Variants in PARVB observed in about 807,000 individuals in gnomAD.
PARVB encodes parvin beta.
PARVB carries 46 observed loss-of-function variants against 47.0 expected under a neutral mutation model. That is an observed-to-expected ratio of 0.98 (90% CI 0.77 to 1.25). The LOEUF (loss-of-function observed/expected upper bound fraction) is 1.25, where lower values mean the gene tolerates loss of function less well. Among genes scored for constraint, PARVB ranks in the 50% most tolerant of loss-of-function variants. The pLI, the probability that PARVB is intolerant of heterozygous loss-of-function variation, is 0.00. For missense variants in PARVB, 473 were observed against 471.6 expected (o/e 1.00, Z -0.03); for synonymous variants, 196 against 196.3 (o/e 1.00, Z 0.01).
chr22:44,076,752 G>C (rs1214755096), intron 1 of PARVB, among the ~76,000 whole-genome samples: 1 of 152,036 alleles, frequency 6.6e-6, no homozygotes, highest in African/African-American at 2.4e-5. Context: ...GTGAGATGCT[G>C]AGGGCCAGAA....
chr22:44,042,794 A>G (rs1388914620), intron 1 of PARVB, among the ~76,000 whole-genome samples: 5 of 152,050 alleles, frequency 3.3e-5, no homozygotes, highest in African/African-American at 1.2e-4. Context: ...TACAATTATT[A>G]TTTAGTTTTT....
At position 44,155,934 on chromosome 22, in the gene PARVB, T is replaced by C. The variant is rs1189650738; in HGVS notation, c.844-2048T>C. ...TTGGGTGGCCGAGGTGGGTGGATCA[T>C]GAGGTCAGGAGTTCAAGACCAGCCT... On this transcript the variant is annotated intron_variant, in intron 10 of 12. Coordinates refer to ENST00000338758, the MANE Select transcript of PARVB (RefSeq NM_013327.5). The surrounding 1 kb of genome is among the most constrained non-coding windows in gnomAD (Gnocchi z 4.8). Among the ~76,000 whole-genome samples, 10 of 152,036 alleles carry C rather than the reference T, an allele frequency of 6.6e-5. No homozygotes were observed. The highest frequency in any genetic ancestry group is 5.2e-4 in the Admixed American group (8 of 15,278).
chr22:44,119,680 G>A (rs903065734), intron 4 of PARVB: 4 of 461,860 alleles, frequency 8.7e-6, no homozygotes, highest in African/African-American at 2.0e-5. Context: ...TGTTGGATGA[G>A]TCCCGAGGGC....
chr22:44,127,911 G>A (rs984007232), intron 4 of PARVB, among the ~76,000 whole-genome samples: 32 of 152,052 alleles, frequency 2.1e-4, no homozygotes, highest in Admixed American at 1.1e-3. Flanking sequence ...CAGCTTCCCC[G>A]GGAAGCTGGG....
intron 9 of PARVB, 104 bp downstream of exon 9, chr22:44,148,026 A>C: frequency 4.5e-6 from 4 of 890,400 alleles, no homozygotes; most frequent in Non-Finnish European, 7.3e-6. Flanking sequence ...TTGGAATCTC[A>C]GAAATGTTTG....
chr22:44,100,076 A>T lies in PARVB; in HGVS notation c.226A>T (p.Ile76Phe). ...QLEENEERTM[I>F]DPTSKEDPKF... ...AGAGGAGAACGAGGAGCGCACGATG[A>T]TTGACCCCACTTCCAAGGAAGACCC... The change falls in exon 3 of 13, where the codon ATT becomes TTT. Residue 76 changes from isoleucine to phenylalanine, a missense_variant. Ile to Phe is a conservative substitution (Grantham distance 21, BLOSUM62 0). Transcript: ENST00000338758. 1 of 1,614,116 alleles carries T rather than the reference A, an allele frequency of 6.2e-7. No homozygotes were observed. Among genetic ancestry groups the T allele is most frequent in the Non-Finnish European group, 8.5e-7 (1 of 1,179,990 alleles).
intron 1 of PARVB, chr22:44,026,343 A>G (rs1603424434): frequency 2.0e-6 from 2 of 985,524 alleles, no homozygotes; most frequent in Non-Finnish European, 2.4e-6. Flanking sequence ...GAGGAGCAGG[A>G]CGCCGGGCAC....
Position 44,081,128 on chromosome 22 carries a change from G to A in PARVB, c.113-12800G>A, listed in dbSNP as rs571226995. On this transcript the variant is annotated intron_variant, in intron 1 of 12. Coordinates refer to ENST00000338758, the MANE Select transcript of PARVB (RefSeq NM_013327.5). ...AGGCCTTTCTCCTTTTCTGCTGTGG[G>A]CATTGCATCTGTTCCTGATGGGTAG... is the stretch of plus-strand genomic sequence containing the variant. Among the ~76,000 whole-genome samples the A allele has an allele frequency of 7.2e-5, 11 of 152,318 alleles. No individual in the cohort carries two copies. The East Asian group carries it at 1.9e-3, about 27-fold the overall frequency.
At chr22:44,095,732 G>A (rs1015596633) in intron 2 of PARVB, among the ~76,000 whole-genome samples, 4 of 152,076 alleles carry the variant, frequency 2.6e-5, no homozygotes, top group Non-Finnish European at 5.9e-5. Context: ...AACATTCTGC[G>A]TATTTCCAAA....
chr22:44,025,254 C>A (rs1456878875), intron 1 of PARVB, among the ~76,000 whole-genome samples: 1 of 152,016 alleles, frequency 6.6e-6, no homozygotes, highest in Non-Finnish European at 1.5e-5. Context: ...AGGAGCCCTC[C>A]CATAGCGGGT....
At chr22:44,029,042 G>C (rs1407541596) in intron 1 of PARVB, among the ~76,000 whole-genome samples, 2 of 152,098 alleles carry the variant, frequency 1.3e-5, no homozygotes, top group Non-Finnish European at 2.9e-5. Context: ...GGAGTGCAGT[G>C]GCACGATCCT....
At chr22:44,164,578 C>T (rs983287742) in intron 12 of PARVB, among the ~76,000 whole-genome samples, 16 of 152,222 alleles carry the variant, frequency 1.1e-4, no homozygotes, top group African/African-American at 3.4e-4. Context: ...CAGAGCTGAA[C>T]ATTAAAGGCT....
At chr22:44,166,513 T>A (rs1248387206) in intron 12 of PARVB, among the ~76,000 whole-genome samples, 1 of 152,216 alleles carries the variant, frequency 6.6e-6, no homozygotes, top group African/African-American at 2.4e-5. Flanking sequence ...AGCCCGGATG[T>A]GTTTCCTACT....
upstream of PARVB, among the ~76,000 whole-genome samples, chr22:44,022,577 TG>T (rs2050662637): frequency 1.3e-5 from 2 of 151,772 alleles, no homozygotes; most frequent in South Asian, 2.1e-4. Flanking sequence ...TGTACTGCAC[TG>T]GGGGGACTGG....
intron 1 of PARVB, 133 bp from the exon 2 acceptor site, chr22:44,093,795 A>G (rs1266520624): frequency 1.6e-6 from 1 of 624,702 alleles, no homozygotes; most frequent in African/African-American, 1.9e-5. Context: ...TTTCTGGGCA[A>G]CAGACCTTTT....
chr22:44,161,371 T>G (rs1182268363), intron 11 of PARVB, among the ~76,000 whole-genome samples: 9 of 149,732 alleles, frequency 6.0e-5, no homozygotes, highest in Non-Finnish European at 1.2e-4. Flanking sequence ...TGGAGTGCAG[T>G]GGCACGATCT....
At chr22:44,057,159 G>T (rs1486282628) in intron 1 of PARVB, among the ~76,000 whole-genome samples, 1 of 151,796 alleles carries the variant, frequency 6.6e-6, no homozygotes, top group Non-Finnish European at 1.5e-5. Flanking sequence ...CGTTCCATTT[G>T]TGGGAAAATT....
chr22:44,034,729 G>A (rs1165404751), intron 1 of PARVB, among the ~76,000 whole-genome samples: 1 of 43,040 alleles, frequency 2.3e-5, no homozygotes, highest in Non-Finnish European at 4.5e-5. Flanking sequence ...TTTTTTTTTT[G>A]AGACGGAGTT....
At chr22:44,119,855 G>C (rs2046431373) in intron 4 of PARVB, 1 of 531,392 alleles carries the variant, frequency 1.9e-6, no homozygotes, top group African/African-American at 1.9e-5. Flanking sequence ...GAGGACGCCG[G>C]CCTGGCCTGG....
Sources: gnomAD v4.1 joint callset for allele counts (sites outside exome capture counted in the v4.1 genomes callset) on GRCh38, gnomAD v4.1.1 for gene constraint, Gnocchi (gnomAD v3.1) non-coding constraint, MANE v1.5 for transcripts, NCBI Gene and HGNC (gene_info 2026-07-23, HGNC 2026-07-21) for gene names.